ACER3: variants seen among roughly 807,000 people sequenced by gnomAD.
ACER3 encodes the protein alkCDase 3.
In ACER3, 16 loss-of-function variants were observed where a neutral mutation model predicts 48.9. The ratio of observed to expected loss-of-function variants is 0.33; its 90% CI spans 0.22 to 0.50. ACER3 has a LOEUF of 0.50. Ranked by LOEUF, ACER3 falls within the 20% of genes least tolerant of loss-of-function variation. ACER3 has a pLI of 0.98. For missense variants in ACER3, 227 were observed against 326.0 expected (o/e 0.70, Z 2.34); for synonymous variants, 109 against 107.8 (o/e 1.01, Z -0.07).
At chr11:76,958,617 GCT>G (rs761764736) in intron 2 of ACER3, among the ~76,000 whole-genome samples, 30 of 152,278 alleles carry the variant, frequency 2.0e-4, no homozygotes, top group Non-Finnish European at 3.5e-4. Context: ...AAACTGACTG[GCT>G]CTTAGTAAGC....
At chr11:77,015,245 T>A in intron 8 of ACER3, 128 bp downstream of exon 8, 1 of 602,804 alleles carries the variant, frequency 1.7e-6, no homozygotes, top group Non-Finnish European at 2.9e-6. Context: ...TTAAAAGATA[T>A]ATACAGTATA....
chr11:76,957,550 C>G (rs958289081), intron 2 of ACER3: 10 of 415,498 alleles, frequency 2.4e-5, no homozygotes, highest in African/African-American at 1.9e-4. Flanking sequence ...TTTACGCGAT[C>G]CTTCTGCCTC....
chr11:76,936,400 A>G (rs1947186479), intron 2 of ACER3, among the ~76,000 whole-genome samples: 2 of 152,236 alleles, frequency 1.3e-5, no homozygotes, highest in Admixed American at 6.5e-5. Flanking sequence ...TTCTAAATTG[A>G]TAAGAAGGCT....
At chr11:77,004,180 T>C (rs894174115) in intron 7 of ACER3, among the ~76,000 whole-genome samples, 14 of 152,190 alleles carry the variant, frequency 9.2e-5, no homozygotes, top group African/African-American at 3.4e-4. Context: ...TAGTTAAGGT[T>C]TGTTACCTAA....
chr11:76,913,075 G>A (rs919458820), intron 1 of ACER3, among the ~76,000 whole-genome samples: 11 of 152,158 alleles, frequency 7.2e-5, no homozygotes, highest in African/African-American at 2.7e-4. Context: ...TCCTTGAAGA[G>A]GTCCTTCACC....
At chr11:76,957,642 C>T (rs1399045252) in intron 2 of ACER3, 1 of 261,580 alleles carries the variant, frequency 3.8e-6, no homozygotes, top group Non-Finnish European at 7.7e-6. Flanking sequence ...TGGGGTTTCA[C>T]CATGTTGACC....
intron 1 of ACER3, among the ~76,000 whole-genome samples, chr11:76,906,029 G>A (rs549819973): frequency 3.7e-4 from 56 of 152,294 alleles, no homozygotes; most frequent in African/African-American, 1.2e-3. Context: ...AGCTAACATG[G>A]CTGACTCCAT....
chr11:76,864,530 C>A (rs1450123725), intron 1 of ACER3, among the ~76,000 whole-genome samples: 4 of 150,300 alleles, frequency 2.7e-5, no homozygotes, highest in African/African-American at 9.8e-5. Context: ...TTATAAAAAT[C>A]ACTTATCAAG....
In ACER3 at chr11:77,021,839, A is replaced by G. The variant is rs797041325; in HGVS notation, c.*1512A>G. The G allele has an allele frequency of 3.9e-5, 6 of 152,264 alleles. No individual in the cohort carries two copies. Among genetic ancestry groups the G allele is most frequent in the African/African-American group, 1.4e-4 (6 of 41,558 alleles). The allele number at this position is 152,264 out of a possible 1,614,324, so 9.4% of individuals were successfully genotyped here. On this transcript the variant is annotated 3_prime_UTR_variant, in exon 11 of 11. Transcript: ENST00000532485. ...AGCCTTAGTTTTTAACCAAGTATCCAAGGATGTCAACTTGACATCCTTCCC... is the reference window on the plus strand; with the variant it reads ...AGCCTTAGTTTTTAACCAAGTATCCGAGGATGTCAACTTGACATCCTTCCC...
chr11:76,983,742 C>T (rs1234143357), intron 4 of ACER3, among the ~76,000 whole-genome samples: 2 of 151,528 alleles, frequency 1.3e-5, no homozygotes, highest in Non-Finnish European at 2.9e-5. Context: ...CTGTTGATTC[C>T]TTAGGATATT....
chr11:77,020,318 G>A lies in ACER3; in HGVS notation c.795G>A (p.Arg265=), dbSNP rs147930782. The change falls in exon 11 of 11, where the codon AGG becomes AGA. Residue 265 remains arginine (R), a synonymous_variant. Coordinates refer to ENST00000532485, the MANE Select transcript of ACER3 (RefSeq NM_018367.7). ...CAGTGATCCTGTTTGAGCCTCTCAG[G>A]AAGCATTGATGAATCATTCCACCAA... The part of the protein sequence containing the change: ...IWPVILFEPL[R]KH 5.3e-4 allele frequency: 854 copies of A among 1,613,370 alleles called. No individual in the cohort carries two copies. Among genetic ancestry groups the A allele is most frequent in the Non-Finnish European group, 5.9e-4 (695 of 1,179,898 alleles).
intron 1 of ACER3, chr11:76,868,391 C>T (rs10793202): frequency 5.9e-6 from 1 of 170,854 alleles, no homozygotes; most frequent in African/African-American, 2.7e-5. Context: ...CTCTCTCTCT[C>T]TGTGTGTGTG....
intron 1 of ACER3, among the ~76,000 whole-genome samples, chr11:76,877,269 C>G (rs369215344): frequency 6.6e-5 from 10 of 152,054 alleles, no homozygotes; most frequent in African/African-American, 2.2e-4. Context: ...CTCGCTCTAA[C>G]ATATGTTCTT....
intron 5 of ACER3, among the ~76,000 whole-genome samples, chr11:76,989,695 TAGAA>T (rs543051040): frequency 2.2e-4 from 33 of 152,190 alleles, no homozygotes; most frequent in Non-Finnish European, 4.3e-4. Flanking sequence ...TGAGACCAAA[TAGAA>T]AGGAAGGAAT....
intron 3 of ACER3, among the ~76,000 whole-genome samples, chr11:76,960,943 G>T (rs1391257170): frequency 6.6e-6 from 1 of 152,098 alleles, no homozygotes; most frequent in Non-Finnish European, 1.5e-5. Flanking sequence ...GCCATGTTTT[G>T]GTACCCTGGG....
At chr11:76,970,536 A>ATG (rs1217226008) in intron 3 of ACER3, among the ~76,000 whole-genome samples, 17 of 151,838 alleles carry the variant, frequency 1.1e-4, no homozygotes, top group South Asian at 4.2e-4. Flanking sequence ...TACAATGTAC[A>ATG]TGTGTGTGTG....
chr11:77,016,851 G>T, intron 9 of ACER3, 72 bp downstream of exon 9: 1 of 714,670 alleles, frequency 1.4e-6, no homozygotes. Context: ...CTTTAAATAG[G>T]ATGTAAATAT....
intron 5 of ACER3, among the ~76,000 whole-genome samples, 193 bp from the exon 6 acceptor site, chr11:76,990,346 G>T (rs1449982695): frequency 6.6e-6 from 1 of 152,138 alleles, no homozygotes; most frequent in Non-Finnish European, 1.5e-5. Context: ...GGCTAGCACT[G>T]AGGAAATCCT....
At chr11:76,941,445 T>C (rs1485947559) in intron 2 of ACER3, among the ~76,000 whole-genome samples, 2 of 152,138 alleles carry the variant, frequency 1.3e-5, no homozygotes, top group Non-Finnish European at 2.9e-5. Flanking sequence ...TAGTCTAGCA[T>C]GGGGAGACAG....
Sources: allele counts gnomAD v4.1 joint callset (sites outside exome capture counted in the v4.1 genomes callset), GRCh38; gene constraint gnomAD v4.1.1; transcripts MANE v1.5; gene names NCBI Gene and HGNC (gene_info 2026-07-23, HGNC 2026-07-21).